Variants in GPC5 observed in about 807,000 individuals in gnomAD.
GPC5 encodes the protein glypican-5.
A neutral mutation model predicts 53.9 loss-of-function variants in GPC5; 47 were observed. That is an observed-to-expected ratio of 0.87 (90% CI 0.69 to 1.11). The LOEUF (loss-of-function observed/expected upper bound fraction) is 1.11, where lower values mean the gene tolerates loss of function less well. GPC5 is among the 50% of genes most tolerant of loss of function. GPC5 has a pLI of 0.00. For missense variants in GPC5, 748 were observed against 713.1 expected, an observed-to-expected ratio of 1.05 and a Z score of -0.56; for synonymous variants, 286 against 263.3, an observed-to-expected ratio of 1.09 and a Z score of -0.84.
intron 4 of GPC5, among the ~76,000 whole-genome samples, chr13:91,736,007 A>G (rs1240408122): frequency 6.6e-6 from 1 of 151,428 alleles, no homozygotes; most frequent in Non-Finnish European, 1.5e-5. Flanking sequence ...GAGAAAACAC[A>G]TTGTGCAGAA....
At chr13:91,609,513 G>T (rs1466384398) in intron 2 of GPC5, among the ~76,000 whole-genome samples, 2 of 152,134 alleles carry the variant, frequency 1.3e-5, no homozygotes, top group African/African-American at 4.8e-5. Context: ...AATCTGCCAG[G>T]TTTTGCACAA....
At chr13:92,227,529 G>A (rs1182120986) in intron 7 of GPC5, among the ~76,000 whole-genome samples, 1 of 152,030 alleles carries the variant, frequency 6.6e-6, no homozygotes, top group African/African-American at 2.4e-5. Context: ...TGTAAACAGA[G>A]CCAAAGATCA....
At chr13:91,933,455 G>A (rs553279489) in intron 6 of GPC5, among the ~76,000 whole-genome samples, 3 of 152,020 alleles carry the variant, frequency 2.0e-5, no homozygotes, top group African/African-American at 7.2e-5. Flanking sequence ...AAAGATAAAA[G>A]AGTTCCATTT....
intron 7 of GPC5, among the ~76,000 whole-genome samples, chr13:92,754,414 G>A (rs888101415): frequency 1.3e-5 from 2 of 152,092 alleles, no homozygotes; most frequent in Non-Finnish European, 2.9e-5. Context: ...GGAAGAAACT[G>A]CATCAACTAA....
intron 6 of GPC5, among the ~76,000 whole-genome samples, chr13:92,118,438 T>C (rs1278824036): frequency 6.6e-6 from 1 of 152,178 alleles, no homozygotes; most frequent in African/African-American, 2.4e-5. Flanking sequence ...AGATTCTCTC[T>C]CTCGAAGTTC....
chr13:92,559,282 T>A (rs1882609244), intron 7 of GPC5, among the ~76,000 whole-genome samples: 1 of 151,832 alleles, frequency 6.6e-6, no homozygotes, highest in African/African-American at 2.4e-5. Flanking sequence ...TATGTCAGCA[T>A]CTGGACAGCT....
intron 6 of GPC5, among the ~76,000 whole-genome samples, chr13:92,051,387 A>G (rs1040128179): frequency 8.6e-5 from 13 of 151,632 alleles, no homozygotes; most frequent in Non-Finnish European, 1.6e-4. Flanking sequence ...TTTCTAGTAG[A>G]GGCAGGGTTT....
chr13:92,643,126 C>G (rs1200977169), intron 7 of GPC5, among the ~76,000 whole-genome samples: 1 of 151,902 alleles, frequency 6.6e-6, no homozygotes, highest in East Asian at 1.9e-4. Context: ...GGATATTAGC[C>G]CTTTGTCAGA....
At chr13:91,528,755 A>T (rs1172106027) in intron 2 of GPC5, among the ~76,000 whole-genome samples, 1 of 152,222 alleles carries the variant, frequency 6.6e-6, no homozygotes, top group Non-Finnish European at 1.5e-5. Context: ...TCACAGTTCC[A>T]CATGGCTTGG....
chr13:92,309,766 A>G (rs1167103334), intron 7 of GPC5, among the ~76,000 whole-genome samples: 1 of 152,058 alleles, frequency 6.6e-6, no homozygotes, highest in Non-Finnish European at 1.5e-5. Flanking sequence ...CTTAAAATCT[A>G]TTATCTGAGC....
At chr13:92,450,531 C>G (rs1189710671) in intron 7 of GPC5, among the ~76,000 whole-genome samples, 1 of 152,100 alleles carries the variant, frequency 6.6e-6, no homozygotes, top group Non-Finnish European at 1.5e-5. Flanking sequence ...TTTTAGAGTT[C>G]AGGTTTTTGG....
chr13:91,693,946 TTAGGAAA>T, intron 3 of GPC5, 65 bp downstream of exon 3: 1 of 1,228,436 alleles, frequency 8.1e-7, no homozygotes, highest in Non-Finnish European at 1.1e-6. Context: ...ATGATATACT[TTAGGAAA>T]TAGTAGGAGA....
chr13:92,043,091 A>G (rs1373421616), intron 6 of GPC5, among the ~76,000 whole-genome samples: 1 of 152,218 alleles, frequency 6.6e-6, no homozygotes, highest in African/African-American at 2.4e-5. Context: ...AGAAAAAACT[A>G]TGAAGGAAAA....
chr13:92,798,426 T>C (rs1396932520), intron 7 of GPC5, among the ~76,000 whole-genome samples: 2 of 151,890 alleles, frequency 1.3e-5, no homozygotes, highest in African/African-American at 4.8e-5. Flanking sequence ...TATTGAATCA[T>C]TTATACTTTT....
chr13:92,290,815 T>C (rs1166116915), intron 7 of GPC5, among the ~76,000 whole-genome samples: 2 of 152,340 alleles, frequency 1.3e-5, no homozygotes, highest in Admixed American at 1.3e-4. Flanking sequence ...AGCCCGCTGC[T>C]GCACTGTGAG....
intron 6 of GPC5, among the ~76,000 whole-genome samples, chr13:91,975,609 A>G (rs2040292506): frequency 6.6e-6 from 1 of 152,248 alleles, no homozygotes; most frequent in South Asian, 2.1e-4. Flanking sequence ...ATCATTAAAA[A>G]GTCAGGAAAC....
intron 2 of GPC5, among the ~76,000 whole-genome samples, chr13:91,518,487 T>A (rs1885630245): frequency 6.6e-6 from 1 of 152,234 alleles, no homozygotes; most frequent in Non-Finnish European, 1.5e-5. Context: ...ATTGGACAGC[T>A]GATACTCAGA....
intron 1 of GPC5, among the ~76,000 whole-genome samples, chr13:91,399,751 T>C (rs761369079): frequency 3.3e-5 from 5 of 152,156 alleles, no homozygotes; most frequent in African/African-American, 7.2e-5. Flanking sequence ...GACGTGACCC[T>C]TAGCTGCCCT....
intron 2 of GPC5, among the ~76,000 whole-genome samples, chr13:91,598,903 T>A (rs1225511081): frequency 2.0e-5 from 3 of 147,620 alleles, no homozygotes; most frequent in African/African-American, 5.4e-5. Flanking sequence ...CAAAACAAGA[T>A]TTGCAATACT....
Sources: allele counts gnomAD v4.1 joint callset (sites outside exome capture counted in the v4.1 genomes callset), GRCh38; gene constraint gnomAD v4.1.1; transcripts MANE v1.5; gene names NCBI Gene and HGNC (gene_info 2026-07-23, HGNC 2026-07-21).